LRRC9: variants seen among roughly 807,000 people sequenced by gnomAD.
LRRC9 encodes leucine-rich repeat-containing protein 9.
LRRC9 carries 122 observed loss-of-function variants against 63.2 expected under a neutral mutation model. That is an observed-to-expected ratio of 1.93 (90% CI 1.67 to 2.24). The LOEUF is 2.24. Ranked by LOEUF, LRRC9 falls within the 30% of genes most tolerant of loss-of-function variation. LRRC9 has a pLI of 0.00. For missense variants in LRRC9, 1,071 were observed against 627.7 expected, an observed-to-expected ratio of 1.71 and a Z score of -7.55; for synonymous variants, 366 against 213.1, an observed-to-expected ratio of 1.72 and a Z score of -6.25.
At chr14:60,018,245 TA>T in intron 24 of LRRC9, 125 bp from the exon 25 acceptor site, 1 of 617,330 alleles carries the variant, frequency 1.6e-6, no homozygotes, top group South Asian at 1.8e-5. Flanking sequence ...TTAAAGTAAT[TA>T]TTTTTATACT....
chr14:59,995,481 T>C (rs184558577), intron 17 of LRRC9, among the ~76,000 whole-genome samples: 10 of 152,324 alleles, frequency 6.6e-5, no homozygotes, highest in African/African-American at 2.2e-4. Context: ...ATTTAGAGAA[T>C]AAACCAGTAT....
chr14:60,057,773 C>A, intron 30 of LRRC9, 105 bp from the exon 31 acceptor site: 1 of 447,156 alleles, frequency 2.2e-6, no homozygotes. Flanking sequence ...TAGCTCCTGA[C>A]TAAAAAGAAT....
chr14:60,024,728 G>C (rs1891386718), intron 27 of LRRC9, among the ~76,000 whole-genome samples: 1 of 151,988 alleles, frequency 6.6e-6, no homozygotes. Context: ...TGTTAACATG[G>C]TATTATGTAC....
At chr14:60,041,144 G>A (rs1321572306) in intron 29 of LRRC9, among the ~76,000 whole-genome samples, 2 of 152,036 alleles carry the variant, frequency 1.3e-5, no homozygotes, top group Admixed American at 6.5e-5. Flanking sequence ...AGTCTGATGG[G>A]CTTCCCTTTG....
chr14:59,972,900 T>C (rs1885681056), intron 12 of LRRC9, among the ~76,000 whole-genome samples: 1 of 152,098 alleles, frequency 6.6e-6, no homozygotes. Context: ...ATCCTGCAAA[T>C]TGGTTAAGTG....
In LRRC9 at chr14:59,962,688, C is replaced by G. The variant is rs898835848; in HGVS notation, c.1211+1643C>G. 6.6e-6 allele frequency among the ~76,000 whole-genome samples: 1 copy of G among 151,986 alleles called. No homozygotes were observed. The highest frequency in any genetic ancestry group is 2.4e-5 in the African/African-American group (1 of 41,366). ...AAAGTGCTGAGATCACAGGCATGAG[C>G]CACTGTGCCCAGCTCCAAACAGGAT... On this transcript the variant is annotated intron_variant, in intron 10 of 31. Transcript: ENST00000445360. The surrounding 1 kb of genome is among the most constrained non-coding windows in gnomAD (Gnocchi z 5.1).
chr14:60,048,744 T>G (rs537911096), intron 29 of LRRC9, among the ~76,000 whole-genome samples: 21 of 152,318 alleles, frequency 1.4e-4, no homozygotes, highest in African/African-American at 5.1e-4. Flanking sequence ...ACTGAAATTA[T>G]TCCAAAAAAT....
In LRRC9 at chr14:59,927,585, T is replaced by C. The variant is rs1282921877; in HGVS notation, c.-33-326T>C. ...GTATATAGTGAGAGAACTAACAACT[T>C]GAACTGGGAGTAAGATAAGAGTGTA... On this transcript the variant is annotated intron_variant, in intron 1 of 31. Transcript: ENST00000445360. The surrounding 1 kb of genome is among the most constrained non-coding windows in gnomAD (Gnocchi z 4.4). Among the ~76,000 whole-genome samples the C allele has an allele frequency of 6.6e-6, 1 of 152,008 alleles. No homozygotes were observed. Among genetic ancestry groups the C allele is most frequent in the African/African-American group, 2.4e-5 (1 of 41,412 alleles).
At chr14:60,002,216 A>C in intron 20 of LRRC9, 116 bp downstream of exon 20, 1 of 495,654 alleles carries the variant, frequency 2.0e-6, no homozygotes, top group East Asian at 3.2e-5. Context: ...GAAAGCTGGA[A>C]GAGATTAATT....
intron 15 of LRRC9, among the ~76,000 whole-genome samples, chr14:59,979,411 G>A (rs1457845856): frequency 2.0e-5 from 3 of 152,112 alleles, no homozygotes; most frequent in African/African-American, 7.2e-5. Context: ...GAGGTCAGGG[G>A]ATCGAGACCA....
rs1889764659 is a variant in LRRC9 at position 59,932,180 on chromosome 14, TCTGACTA to T, written c.543+143_543+149del. 3.5e-6 allele frequency: 2 copies of T among 573,516 alleles called. No homozygotes were observed. Among genetic ancestry groups the T allele is most frequent in the Non-Finnish European group, 6.1e-6 (2 of 326,994 alleles). 35.5% of individuals were successfully genotyped at this position (573,516 alleles called of 1,614,324 possible). On this transcript the variant is annotated intron_variant, in intron 6 of 31. Coordinates refer to ENST00000445360, the Ensembl canonical transcript of LRRC9. This position sits in a 1 kb window ranked among gnomAD's most constrained non-coding sequence, Gnocchi z 4.7. ...GATGCTCCAGGAAATTTGAAAGTCA[TCTGACTA>T]CATTGGCCTTAATGATCTGACACTA... is the stretch of plus-strand genomic sequence containing the variant.
intron 13 of LRRC9, among the ~76,000 whole-genome samples, chr14:59,976,633 C>T (rs1265023244): frequency 6.6e-6 from 1 of 152,162 alleles, no homozygotes; most frequent in Non-Finnish European, 1.5e-5. Flanking sequence ...TCTGCTAGAT[C>T]CTTCTGGAAT....
chr14:60,043,569 C>G (rs1893136918), intron 29 of LRRC9, among the ~76,000 whole-genome samples: 1 of 152,064 alleles, frequency 6.6e-6, no homozygotes, highest in Admixed American at 6.6e-5. Context: ...GTTCTTGATT[C>G]TGTTAATATT....
intron 26 of LRRC9, among the ~76,000 whole-genome samples, chr14:60,022,307 A>G (rs1460960354): frequency 6.6e-6 from 1 of 151,860 alleles, no homozygotes; most frequent in Non-Finnish European, 1.5e-5. Context: ...GCTGGTAGGT[A>G]GAAAATTCAG....
Position 60,027,509 on chromosome 14 carries a change from C to G in LRRC9, c.3704-375C>G, listed in dbSNP as rs1022210467. Among the ~76,000 whole-genome samples the G allele has an allele frequency of 6.6e-6, 1 of 151,932 alleles. No homozygotes were observed. The highest frequency in any genetic ancestry group is 1.5e-5 in the Non-Finnish European group (1 of 67,942). ...CTATTTTAAGAAATAATTAAATATA[C>G]TATTGTAATATCTATTAGAGTACTA... is the stretch of plus-strand genomic sequence containing the variant. On this transcript the variant is annotated intron_variant, in intron 27 of 31. Transcript: ENST00000445360. This position sits in a 1 kb window ranked among gnomAD's most constrained non-coding sequence, Gnocchi z 4.0.
rs554947647 is a variant in LRRC9, at chr14:59,994,318, C to G, written c.2212-3338C>G. Among the ~76,000 whole-genome samples, 461 of 152,340 alleles carry G rather than the reference C, an allele frequency of 3.0e-3. 3 individuals are homozygous for G. Among genetic ancestry groups the G allele is most frequent in the African/African-American group, 0.011 (439 of 41,582 alleles). ...AATCAAAACCACAATGAGATACCAT[C>G]TCACACCAGTTAGAATGGCGATCAT... On this transcript the variant is annotated intron_variant, in intron 17 of 31. Coordinates refer to ENST00000445360, the Ensembl canonical transcript of LRRC9.
At chr14:59,967,192 C>A in exon 12 of LRRC9, 2 of 614,654 alleles carry the variant, frequency 3.3e-6, no homozygotes, top group South Asian at 1.9e-5. Flanking sequence ...AAAAAGGATT[C>A]AAAGACAGTG....
exon 25 of LRRC9, chr14:60,018,444 T>C: frequency 4.3e-6 from 3 of 700,278 alleles, no homozygotes; most frequent in Non-Finnish European, 7.8e-6. Flanking sequence ...TCATCTTACC[T>C]CATTCAGTGG....
rs60097127 is a variant in LRRC9 at position 59,964,802 on chromosome 14, A to ACTATTCATATCAAG, written c.1212-1776_1212-1775insAAGCTATTCATATC. Reference sequence around the variant, plus strand: ...AGCAGGCATCATGCTTGATTGCAACACTATTCATATCTGTCTCCTCTACCA... The same window carrying ACTATTCATATCAAG: ...AGCAGGCATCATGCTTGATTGCAACACTATTCATATCAAGCTATTCATATCTGTCTCCTCTACCA... On this transcript the variant is annotated intron_variant, in intron 10 of 31. Transcript: ENST00000445360. The surrounding 1 kb of genome is among the most constrained non-coding windows in gnomAD (Gnocchi z 4.4). Among the ~76,000 whole-genome samples, 34,463 of 151,896 alleles carry ACTATTCATATCAAG rather than the reference A, an allele frequency of 0.23. 4,324 individuals are homozygous for ACTATTCATATCAAG. The highest frequency in any genetic ancestry group is 0.49 in the East Asian group (2,530 of 5,132).
Sources: gnomAD v4.1 joint callset for allele counts (sites outside exome capture counted in the v4.1 genomes callset) on GRCh38, gnomAD v4.1.1 for gene constraint, Gnocchi (gnomAD v3.1) non-coding constraint, MANE v1.5 for transcripts, NCBI Gene and HGNC (gene_info 2026-07-23, HGNC 2026-07-21) for gene names.